The following TSPEAR variants were observed in gnomAD, a reference collection of about 807,000 sequenced individuals.
TSPEAR encodes the protein thrombospondin type laminin G domain and EAR repeats, also known as thrombospondin-type laminin G domain and EAR repeat-containing protein.
A neutral mutation model predicts 71.6 loss-of-function variants in TSPEAR; 69 were observed. The ratio of observed to expected loss-of-function variants is 0.96; its 90% confidence interval spans 0.79 to 1.18. TSPEAR has a LOEUF of 1.18. TSPEAR is among the 50% of genes most tolerant of loss of function. TSPEAR has a pLI of 0.00. For missense variants in TSPEAR, 971 were observed against 894.9 expected, an observed-to-expected ratio of 1.09 and a Z score of -1.09; for synonymous variants, 402 against 387.2, an observed-to-expected ratio of 1.04 and a Z score of -0.45.
intron 2 of TSPEAR, among the ~76,000 whole-genome samples, chr21:44,551,827 C>T (rs587669243): frequency 6.6e-6 from 1 of 152,278 alleles, no homozygotes; most frequent in South Asian, 2.1e-4. Context: ...TGACTGTGCC[C>T]AGCGTGAGCT....
chr21:44,692,666 C>A (rs1987168194), intron 1 of TSPEAR, among the ~76,000 whole-genome samples: 1 of 152,066 alleles, frequency 6.6e-6, no homozygotes, highest in African/African-American at 2.4e-5. Flanking sequence ...AGGTAAGAGA[C>A]TTGTACAATG....
intron 1 of TSPEAR, among the ~76,000 whole-genome samples, chr21:44,633,178 G>T (rs765227352): frequency 2.6e-5 from 4 of 151,994 alleles, no homozygotes; most frequent in Non-Finnish European, 5.9e-5. Context: ...CTAATTTTAG[G>T]CTTCGTTGGT....
At chr21:44,602,512 C>CGG (rs1159263207) in intron 1 of TSPEAR, among the ~76,000 whole-genome samples, 1 of 7,948 alleles carries the variant, frequency 1.3e-4, no homozygotes, top group East Asian at 4.6e-3. Flanking sequence ...TCCTGAGGCC[C>CGG]GCTGGCCGGG....
intron 1 of TSPEAR, among the ~76,000 whole-genome samples, chr21:44,630,542 G>A (rs1377793094): frequency 2.6e-5 from 4 of 152,132 alleles, no homozygotes; most frequent in African/African-American, 9.7e-5. Flanking sequence ...CCCATGATGG[G>A]GCACAGAAAA....
chr21:44,521,867 A>C lies in TSPEAR; in HGVS notation c.1566+16T>G, dbSNP rs1172839718. 3 of 1,610,196 alleles carry C rather than the reference A, an allele frequency of 1.9e-6. No individual in the cohort carries two copies. Among genetic ancestry groups the C allele is most frequent in the South Asian group, 2.2e-5 (2 of 91,024 alleles). The stretch of plus-strand genomic sequence containing the variant: ...GGCCAGCAATGGAGAGCCGGGGCTC[A>C]TGCGGGGGGCCTTACCGGGAAGGAC... On this transcript the variant is annotated intron_variant, in intron 9 of 11. Transcript: ENST00000323084.
chr21:44,532,212 T>C (rs1555915846), intron 3 of TSPEAR, among the ~76,000 whole-genome samples: 1 of 152,258 alleles, frequency 6.6e-6, no homozygotes, highest in African/African-American at 2.4e-5. Flanking sequence ...AAGTCCACTT[T>C]TAAAACATTC....
At chr21:44,646,440 A>T in intron 1 of TSPEAR, 2 of 1,588,690 alleles carry the variant, frequency 1.3e-6, no homozygotes, top group Non-Finnish European at 1.7e-6. Context: ...CCCCCAGCTC[A>T]CCTCCTCCCC....
At chr21:44,645,693 A>G (rs1984287723) in intron 1 of TSPEAR, among the ~76,000 whole-genome samples, 1 of 152,106 alleles carries the variant, frequency 6.6e-6, no homozygotes, top group Non-Finnish European at 1.5e-5. Flanking sequence ...TTTATTTCAT[A>G]TGAAGTGTAC....
intron 1 of TSPEAR, chr21:44,676,970 C>T: frequency 1.1e-6 from 1 of 922,010 alleles, no homozygotes; most frequent in South Asian, 1.3e-5. Flanking sequence ...TCAGCTGGGT[C>T]CGAAACGCTC....
chr21:44,555,168 G>A (rs1335970139), intron 2 of TSPEAR, among the ~76,000 whole-genome samples: 1 of 152,198 alleles, frequency 6.6e-6, no homozygotes, highest in Non-Finnish European at 1.5e-5. Context: ...ATGAAAACGT[G>A]AGGAGGAGCA....
chr21:44,617,457 G>A (rs1334874808), intron 1 of TSPEAR, among the ~76,000 whole-genome samples: 2 of 152,262 alleles, frequency 1.3e-5, no homozygotes, highest in Non-Finnish European at 2.9e-5. Context: ...CCAGGACAGC[G>A]TGGGGACACA....
chr21:44,525,600 C>T (rs1249096531), intron 8 of TSPEAR, 53 bp downstream of exon 8: 148 of 1,573,112 alleles, frequency 9.4e-5, no homozygotes, highest in Non-Finnish European at 1.3e-4. Context: ...CTGCAAGTCT[C>T]GCTCTGCCCC....
intron 11 of TSPEAR, among the ~76,000 whole-genome samples, chr21:44,500,865 T>C (rs1271298678): frequency 1.3e-5 from 2 of 152,246 alleles, no homozygotes; most frequent in African/African-American, 4.8e-5. Context: ...GTAAAGAGTT[T>C]GTCTTTTGCT....
chr21:44,701,346 G>A (rs1987638754), intron 1 of TSPEAR, among the ~76,000 whole-genome samples: 1 of 152,172 alleles, frequency 6.6e-6, no homozygotes. Flanking sequence ...TAGAACAGCG[G>A]TCCCCAACCT....
At chr21:44,542,726 A>C (rs2053240469) in intron 2 of TSPEAR, among the ~76,000 whole-genome samples, 1 of 147,102 alleles carries the variant, frequency 6.8e-6, no homozygotes. Flanking sequence ...AACCTGGGCA[A>C]CAGAAAGAGA....
At chr21:44,510,113 G>A (rs2038713040) in intron 9 of TSPEAR, among the ~76,000 whole-genome samples, 1 of 152,182 alleles carries the variant, frequency 6.6e-6, no homozygotes, top group African/African-American at 2.4e-5. Context: ...CGGCACCTCT[G>A]CCACCAACCT....
At position 44,710,529 on chromosome 21, in the gene TSPEAR, G is replaced by T. The variant is rs1053437885; in HGVS notation, c.82+904C>A. Among the ~76,000 whole-genome samples, 2 of 152,164 alleles carry T rather than the reference G, an allele frequency of 1.3e-5. No individual in the cohort carries two copies. The highest frequency in any genetic ancestry group is 2.9e-5 in the Non-Finnish European group (2 of 68,026). On this transcript the variant is annotated intron_variant, in intron 1 of 11. Transcript: ENST00000323084. This position sits in a 1 kb window ranked among gnomAD's most constrained non-coding sequence, Gnocchi z 4.6. ...AGTGCCATCCGAGCAGAGAGCTGTG[G>T]CCCGGTGCCGGGGGTGGACTTCATC...
At chr21:44,646,492 G>T (rs190235053) in intron 1 of TSPEAR, 54 of 1,612,488 alleles carry the variant, frequency 3.3e-5, no homozygotes, top group East Asian at 1.3e-4. Flanking sequence ...CTGCTCCAGC[G>T]CTTACTCCGA....
intron 1 of TSPEAR, among the ~76,000 whole-genome samples, chr21:44,652,272 C>T (rs188552754): frequency 2.9e-4 from 44 of 152,304 alleles, no homozygotes; most frequent in Non-Finnish European, 4.9e-4. Flanking sequence ...CGTGAGCCAC[C>T]GCACCGGGCC....
Sources: gnomAD v4.1 joint callset for allele counts (sites outside exome capture counted in the v4.1 genomes callset) on GRCh38, gnomAD v4.1.1 for gene constraint, Gnocchi (gnomAD v3.1) non-coding constraint, MANE v1.5 for transcripts, NCBI Gene and HGNC (gene_info 2026-07-23, HGNC 2026-07-21) for gene names.